Variants in ANKRD13C observed in about 807,000 individuals in gnomAD.
ANKRD13C encodes ankyrin repeat domain-containing protein 13C.
In ANKRD13C, 16 loss-of-function variants were observed where a neutral mutation model predicts 65.5. That is an observed-to-expected ratio of 0.24 (90% CI 0.17 to 0.37). The LOEUF is 0.37. ANKRD13C is among the 10% of genes least tolerant of loss of function. The pLI, the probability that ANKRD13C is intolerant of heterozygous loss-of-function variation, is 1.00. For missense variants in ANKRD13C, 503 were observed against 655.9 expected (o/e 0.77, Z 2.55); for synonymous variants, 235 against 238.7 (o/e 0.98, Z 0.14).
intron 12 of ANKRD13C, among the ~76,000 whole-genome samples, chr1:70,265,824 C>CAAAAAAAAAA (rs775757290): frequency 9.8e-3 from 343 of 34,906 alleles, no homozygotes; most frequent in Middle Eastern, 0.028. Flanking sequence ...GACCTTGCCT[C>CAAAAAAAAAA]AAAAAAAAAA....
At chr1:70,322,312 C>T (rs1425247088) in intron 3 of ANKRD13C, among the ~76,000 whole-genome samples, 8 of 152,092 alleles carry the variant, frequency 5.3e-5, no homozygotes, top group Middle Eastern at 3.4e-3. Context: ...TCTAATAAAC[C>T]GTAAGAGATA....
chr1:70,287,174 C>A (rs1052779541), intron 9 of ANKRD13C, among the ~76,000 whole-genome samples: 42 of 151,932 alleles, frequency 2.8e-4, no homozygotes, highest in Middle Eastern at 3.4e-3. Flanking sequence ...GATTTATACC[C>A]TGAACACTTC....
At chr1:70,322,181 G>A (rs1215071553) in intron 3 of ANKRD13C, among the ~76,000 whole-genome samples, 5 of 152,008 alleles carry the variant, frequency 3.3e-5, no homozygotes, top group African/African-American at 1.2e-4. Flanking sequence ...TGGGCACTGT[G>A]GCAGGTGCCT....
rs529263842 is a variant in ANKRD13C at position 70,333,479 on chromosome 1, C to T, written c.472+2579G>A. Among the ~76,000 whole-genome samples the T allele has an allele frequency of 5.9e-5, 9 of 152,304 alleles. No individual in the cohort carries two copies. In the South Asian group the frequency reaches 1.7e-3, roughly 28 times the overall value. On this transcript the variant is annotated intron_variant, in intron 2 of 12. Coordinates refer to ENST00000370944, the MANE Select transcript of ANKRD13C (RefSeq NM_030816.5). ...TTTGTATTCCTGATTCCCTCTCCTACCCCCAAATCTCACCCAAGTCAGTCT... is the reference window on the plus strand; with the variant it reads ...TTTGTATTCCTGATTCCCTCTCCTATCCCCAAATCTCACCCAAGTCAGTCT...
intron 12 of ANKRD13C, among the ~76,000 whole-genome samples, chr1:70,265,889 T>G (rs1330714443): frequency 7.8e-3 from 420 of 53,730 alleles, no homozygotes; most frequent in African/African-American, 0.01. Context: ...AAGGAAGGAA[T>G]GGAGGGAGGG....
chr1:70,275,742 T>C (rs761342687), intron 10 of ANKRD13C, among the ~76,000 whole-genome samples: 4 of 151,840 alleles, frequency 2.6e-5, no homozygotes, highest in African/African-American at 4.8e-5. Flanking sequence ...AGGTGGATCA[T>C]TTGAGCCCAT....
rs373447795 is a variant in ANKRD13C, at chr1:70,342,739, AACACACACACACAC to A, written c.431-6654_431-6641del. On this transcript the variant is annotated intron_variant, in intron 1 of 12. Coordinates refer to ENST00000370944, the MANE Select transcript of ANKRD13C (RefSeq NM_030816.5). ...AAAGAAAGAAACACACACACACAAT[AACACACACACACAC>A]ACACACACACACACACACAAAATAA... Among the ~76,000 whole-genome samples the A allele has an allele frequency of 3.5e-3, 403 of 115,358 alleles. 1 individual carries two copies. The highest frequency in any genetic ancestry group is 0.011 in the African/African-American group (385 of 35,618). 75.7% of individuals were successfully genotyped at this position (115,358 alleles called of 152,430 possible).
chr1:70,268,710 G>A (rs2101109926), intron 12 of ANKRD13C, among the ~76,000 whole-genome samples: 1 of 152,200 alleles, frequency 6.6e-6, no homozygotes, highest in East Asian at 1.9e-4. Context: ...AAAGTGGTGG[G>A]GGAGGATGAA....
At chr1:70,266,962 T>C (rs999917735) in intron 12 of ANKRD13C, among the ~76,000 whole-genome samples, 2 of 152,206 alleles carry the variant, frequency 1.3e-5, no homozygotes, top group Non-Finnish European at 2.9e-5. Flanking sequence ...TGGCTTATGA[T>C]GTTGTTGATC....
intron 2 of ANKRD13C, among the ~76,000 whole-genome samples, chr1:70,334,048 GCA>G (rs1681916312): frequency 1.3e-5 from 2 of 152,314 alleles, no homozygotes; most frequent in South Asian, 4.1e-4. Context: ...TTAAGGTCAG[GCA>G]CAGTGACTCA....
At chr1:70,267,989 G>A (rs1163581542) in intron 12 of ANKRD13C, among the ~76,000 whole-genome samples, 1 of 152,194 alleles carries the variant, frequency 6.6e-6, no homozygotes, top group African/African-American at 2.4e-5. Context: ...TAGCTTGGCT[G>A]TGAAAAGCAA....
chr1:70,344,208 G>C (rs1294554857), intron 1 of ANKRD13C, among the ~76,000 whole-genome samples: 1 of 149,432 alleles, frequency 6.7e-6, no homozygotes, highest in African/African-American at 2.5e-5. Context: ...TGAGACACGA[G>C]AATTGCTTAA....
At chr1:70,277,583 A>G (rs1033397034) in intron 9 of ANKRD13C, among the ~76,000 whole-genome samples, 1 of 152,188 alleles carries the variant, frequency 6.6e-6, no homozygotes, top group Non-Finnish European at 1.5e-5. Context: ...AAATGAGATT[A>G]TAGAAAATAG....
At chr1:70,292,597 A>C (rs1290973916) in intron 8 of ANKRD13C, 48 bp from the exon 9 acceptor site, 1 of 1,393,446 alleles carries the variant, frequency 7.2e-7, no homozygotes, top group South Asian at 1.3e-5. Context: ...GGTTAAAAAA[A>C]GTGTCAAGGT....
chr1:70,274,679 T>A, intron 11 of ANKRD13C, 41 bp downstream of exon 11: 1 of 1,408,614 alleles, frequency 7.1e-7, no homozygotes, highest in South Asian at 1.2e-5. Flanking sequence ...TAGGGTTTAA[T>A]AGTTTCTTTC....
rs543078299 is a variant in ANKRD13C, at chr1:70,350,987, C to T, written c.430+2992G>A. Reference sequence around the variant, plus strand: ...ATAGGCCTGGACAACACGGTGAAACCCAGTCTCTACTTAAAATACAAAAAT... The same window carrying T: ...ATAGGCCTGGACAACACGGTGAAACTCAGTCTCTACTTAAAATACAAAAAT... On this transcript the variant is annotated intron_variant, in intron 1 of 12. Coordinates refer to ENST00000370944, the MANE Select transcript of ANKRD13C (RefSeq NM_030816.5). Among the ~76,000 whole-genome samples, 9 of 152,244 alleles carry T rather than the reference C, an allele frequency of 5.9e-5. No individual in the cohort carries two copies. In the East Asian group the frequency reaches 1.7e-3, roughly 29 times the overall value.
intron 2 of ANKRD13C, among the ~76,000 whole-genome samples, chr1:70,332,448 T>C (rs967855912): frequency 6.6e-6 from 1 of 152,198 alleles, no homozygotes; most frequent in Non-Finnish European, 1.5e-5. Flanking sequence ...AAGAAACTAA[T>C]GTTTTATGAA....
intron 11 of ANKRD13C, among the ~76,000 whole-genome samples, chr1:70,273,377 G>T (rs114120628): frequency 3.9e-5 from 6 of 152,132 alleles, no homozygotes; most frequent in Non-Finnish European, 8.8e-5. Flanking sequence ...CTTTAGTGAG[G>T]AGCCTAAAAC....
chr1:70,267,424 C>T (rs1354730854), intron 12 of ANKRD13C, among the ~76,000 whole-genome samples: 1 of 152,024 alleles, frequency 6.6e-6, no homozygotes, highest in Non-Finnish European at 1.5e-5. Context: ...GGAATGAGTA[C>T]AGTGGCGCGA....
Sources: gnomAD v4.1 joint callset for allele counts (sites outside exome capture counted in the v4.1 genomes callset) on GRCh38, gnomAD v4.1.1 for gene constraint, MANE v1.5 for transcripts, NCBI Gene and HGNC (gene_info 2026-07-23, HGNC 2026-07-21) for gene names.